The following OSBP2 variants were observed in gnomAD, a reference collection of about 807,000 sequenced individuals.
OSBP2 encodes the protein oxysterol-binding protein 2.
A neutral mutation model predicts 96.0 loss-of-function variants in OSBP2; 66 were observed. That is an observed-to-expected ratio of 0.69 (90% CI 0.56 to 0.84). OSBP2 has a LOEUF of 0.84. Among genes scored for constraint, OSBP2 ranks in the 40% least tolerant of loss-of-function variants. The pLI is 0.00. For missense variants in OSBP2, 1,038 were observed against 1,222.7 expected (o/e 0.85, Z 2.25); for synonymous variants, 525 against 520.9 (o/e 1.01, Z -0.11).
chr22:30,718,368 T>C (rs1057297055), intron 1 of OSBP2, among the ~76,000 whole-genome samples: 3 of 152,204 alleles, frequency 2.0e-5, no homozygotes, highest in African/African-American at 7.2e-5. Flanking sequence ...CCTCTTTATC[T>C]ATAGAGTGAG....
intron 2 of OSBP2, among the ~76,000 whole-genome samples, chr22:30,777,132 G>A (rs986068719): frequency 6.6e-6 from 1 of 152,194 alleles, no homozygotes; most frequent in African/African-American, 2.4e-5. Context: ...GTGGACTTTT[G>A]AGTTAATGCT....
chr22:30,853,207 A>G (rs569170561), intron 2 of OSBP2, among the ~76,000 whole-genome samples: 237 of 152,312 alleles, frequency 1.6e-3, no homozygotes, highest in African/African-American at 5.2e-3. Context: ...GCTGTATTGT[A>G]TTATCGTATT....
At chr22:30,790,037 G>T (rs2090650361) in intron 2 of OSBP2, among the ~76,000 whole-genome samples, 1 of 152,144 alleles carries the variant, frequency 6.6e-6, no homozygotes, top group Non-Finnish European at 1.5e-5. Flanking sequence ...AGGGGAGAGG[G>T]TGACCCCATC....
intron 2 of OSBP2, among the ~76,000 whole-genome samples, chr22:30,798,085 C>T (rs914275599): frequency 2.6e-5 from 4 of 152,178 alleles, no homozygotes; most frequent in African/African-American, 9.7e-5. Context: ...CACATCCTTG[C>T]CAACACTTGT....
intron 3 of OSBP2, among the ~76,000 whole-genome samples, chr22:30,872,019 G>A (rs1005002933): frequency 1.3e-5 from 2 of 152,216 alleles, no homozygotes; most frequent in Non-Finnish European, 2.9e-5. Flanking sequence ...GCCTGCAGGT[G>A]CCCACCCGCC....
At chr22:30,823,023 G>A (rs1181732404) in intron 2 of OSBP2, among the ~76,000 whole-genome samples, 3 of 152,266 alleles carry the variant, frequency 2.0e-5, no homozygotes, top group Non-Finnish European at 4.4e-5. Flanking sequence ...GGTGGTCGGT[G>A]TTTTATCCAC....
intron 2 of OSBP2, among the ~76,000 whole-genome samples, chr22:30,797,031 C>T (rs1287477360): frequency 6.6e-6 from 1 of 152,202 alleles, no homozygotes; most frequent in Non-Finnish European, 1.5e-5. Flanking sequence ...CTGGCTCCCA[C>T]CATTCTACTT....
chr22:30,744,606 C>T (rs1191298606), intron 2 of OSBP2, among the ~76,000 whole-genome samples: 1 of 151,986 alleles, frequency 6.6e-6, no homozygotes, highest in Non-Finnish European at 1.5e-5. Flanking sequence ...GCTAAAAATA[C>T]AAAAATTAGC....
intron 2 of OSBP2, among the ~76,000 whole-genome samples, chr22:30,867,352 G>T (rs950145295): frequency 3.9e-5 from 6 of 152,112 alleles, no homozygotes; most frequent in Non-Finnish European, 8.8e-5. Flanking sequence ...CTACTCCTCT[G>T]TGTCTCACCC....
chr22:30,831,847 G>C (rs2038529377), intron 2 of OSBP2, among the ~76,000 whole-genome samples: 1 of 152,100 alleles, frequency 6.6e-6, no homozygotes, highest in African/African-American at 2.4e-5. Flanking sequence ...CCCCCATCCT[G>C]CTGCTGTGAT....
chr22:30,790,634 G>A (rs1465331075), intron 2 of OSBP2, among the ~76,000 whole-genome samples: 4 of 139,282 alleles, frequency 2.9e-5, no homozygotes, highest in Admixed American at 2.3e-4. Flanking sequence ...CAAACCTGAA[G>A]AGATATGTCA....
chr22:30,694,794 G>A, upstream of OSBP2: 1 of 585,860 alleles, frequency 1.7e-6, no homozygotes, highest in Non-Finnish European at 2.1e-6. Context: ...GACCGCGGAG[G>A]AACCCGCGCG....
At position 30,870,290 on chromosome 22, in the gene OSBP2, G is replaced by A; in HGVS notation, c.854-139G>A. 1 of 922,390 alleles carries A rather than the reference G, an allele frequency of 1.1e-6. No homozygotes were observed. Among genetic ancestry groups the A allele is most frequent in the Non-Finnish European group, 1.6e-6 (1 of 617,698 alleles). 57.1% of individuals were successfully genotyped at this position (922,390 alleles called of 1,614,324 possible). A position where few individuals can be genotyped will look rare whatever the true frequency, so the allele number is the denominator to read the frequency against. ...GGGGCAGGCACCTCACCCCGGCCAG[G>A]AACAGGAACGGGCACCATCTCGGGG... On this transcript the variant is annotated intron_variant, in intron 2 of 13. Coordinates refer to ENST00000332585, the MANE Select transcript of OSBP2 (RefSeq NM_030758.4). The surrounding 1 kb of genome is among the most constrained non-coding windows in gnomAD (Gnocchi z 4.1).
intron 2 of OSBP2, among the ~76,000 whole-genome samples, chr22:30,857,515 T>G (rs2039103259): frequency 6.6e-6 from 1 of 152,220 alleles, no homozygotes; most frequent in South Asian, 2.1e-4. Flanking sequence ...CACTGGAGAT[T>G]GTTTCTTTGC....
upstream of OSBP2, chr22:30,694,866 C>G (rs760714686): frequency 3.1e-6 from 3 of 964,976 alleles, no homozygotes; most frequent in Non-Finnish European, 4.0e-6. Context: ...GGCCTGCCCC[C>G]CGCCCCCACT....
At chr22:30,757,635 C>A (rs1178546859) in intron 2 of OSBP2, among the ~76,000 whole-genome samples, 1 of 152,052 alleles carries the variant, frequency 6.6e-6, no homozygotes. Context: ...CCAGGCTGGT[C>A]TCAAACTCCT....
At chr22:30,902,569 C>T (rs987611257) in intron 12 of OSBP2, 2 of 970,022 alleles carry the variant, frequency 2.1e-6, no homozygotes, top group African/African-American at 3.2e-5. Context: ...GAAACAGGCC[C>T]CCAACTGGGC....
intron 2 of OSBP2, among the ~76,000 whole-genome samples, chr22:30,759,181 C>G (rs916883980): frequency 2.0e-5 from 3 of 152,126 alleles, no homozygotes; most frequent in African/African-American, 4.8e-5. Context: ...AACCCCGTCT[C>G]TACTAAAAAT....
chr22:30,803,077 C>A, intron 2 of OSBP2: 1 of 209,862 alleles, frequency 4.8e-6, no homozygotes, highest in Non-Finnish European at 9.4e-6. Context: ...GAGAGCGCGG[C>A]GGCGGGAAGG....
Sources: gnomAD v4.1 joint callset for allele counts (sites outside exome capture counted in the v4.1 genomes callset) on GRCh38, gnomAD v4.1.1 for gene constraint, Gnocchi (gnomAD v3.1) non-coding constraint, MANE v1.5 for transcripts, NCBI Gene and HGNC (gene_info 2026-07-23, HGNC 2026-07-21) for gene names.